The following KIRREL3 variants were observed in gnomAD, a reference collection of about 807,000 sequenced individuals.
The protein encoded by KIRREL3 is kin of IRRE-like protein 3.
In KIRREL3, 36 loss-of-function variants were observed where a neutral mutation model predicts 89.7. The observed-to-expected ratio is 0.40, with a 90% CI of 0.31 to 0.53. KIRREL3 has a LOEUF of 0.53. Ranked by LOEUF, KIRREL3 falls within the 20% of genes least tolerant of loss-of-function variation. The pLI, the probability that KIRREL3 is intolerant of heterozygous loss-of-function variation, is 0.49. For synonymous variants in KIRREL3, 445 were observed against 441.4 expected, an observed-to-expected ratio of 1.01 and a Z score of -0.10; for missense variants, 864 against 1,056.6, an observed-to-expected ratio of 0.82 and a Z score of 2.53.
rs1243541571 is a variant in KIRREL3, at chr11:126,682,853, C to T, written c.56-119941G>A. Among the ~76,000 whole-genome samples the T allele has an allele frequency of 6.6e-6, 1 of 152,100 alleles. No homozygotes were observed. Among genetic ancestry groups the T allele is most frequent in the Non-Finnish European group, 1.5e-5 (1 of 68,022 alleles). On this transcript the variant is annotated intron_variant, in intron 1 of 16. Coordinates refer to ENST00000525144, the MANE Select transcript of KIRREL3 (RefSeq NM_032531.4). The surrounding 1 kb of genome is among the most constrained non-coding windows in gnomAD (Gnocchi z 4.8). ...AGTCTGGTTCCTAACAGGCTGAGGA[C>T]CGGTACCCCGGGGCTGGGGATCCCT...
At chr11:126,770,898 C>T (rs759635524) in intron 1 of KIRREL3, among the ~76,000 whole-genome samples, 17 of 152,130 alleles carry the variant, frequency 1.1e-4, no homozygotes, top group Non-Finnish European at 2.4e-4. Flanking sequence ...TGGAGTGGTG[C>T]GATCTCGGCT....
intron 1 of KIRREL3, among the ~76,000 whole-genome samples, chr11:126,826,058 A>G (rs1279414703): frequency 1.1e-4 from 16 of 151,950 alleles, no homozygotes; most frequent in Non-Finnish European, 2.9e-5. Context: ...GCTCCTAGTC[A>G]CTCATCAGAT....
chr11:126,846,614 A>T (rs1401126765), intron 1 of KIRREL3, among the ~76,000 whole-genome samples: 1 of 152,102 alleles, frequency 6.6e-6, no homozygotes, highest in Non-Finnish European at 1.5e-5. Context: ...CAAAAGTAAA[A>T]ATTGCTAAGA....
At chr11:126,767,431 C>A (rs1272908991) in intron 1 of KIRREL3, among the ~76,000 whole-genome samples, 1 of 152,166 alleles carries the variant, frequency 6.6e-6, no homozygotes, top group Non-Finnish European at 1.5e-5. Context: ...CCCAGGGACT[C>A]CTAAAGCTGG....
intron 1 of KIRREL3, among the ~76,000 whole-genome samples, chr11:126,580,622 G>T (rs1039806822): frequency 6.6e-6 from 1 of 152,126 alleles, no homozygotes; most frequent in Non-Finnish European, 1.5e-5. Context: ...AGCCCCATGT[G>T]CTGTCTGGCA....
chr11:126,785,459 G>A (rs191662910), intron 1 of KIRREL3, among the ~76,000 whole-genome samples: 19 of 152,248 alleles, frequency 1.2e-4, no homozygotes, highest in Non-Finnish European at 2.5e-4. Context: ...CGTTCCAGGG[G>A]AGTGGGAGGG....
At chr11:126,838,279 C>T (rs1189601600) in intron 1 of KIRREL3, among the ~76,000 whole-genome samples, 3 of 152,180 alleles carry the variant, frequency 2.0e-5, no homozygotes, top group African/African-American at 4.8e-5. Flanking sequence ...GTTTTTATCT[C>T]TTAGGTTATT....
At chr11:126,588,794 A>G (rs1449250946) in intron 1 of KIRREL3, among the ~76,000 whole-genome samples, 8 of 152,204 alleles carry the variant, frequency 5.3e-5, no homozygotes, top group Non-Finnish European at 1.2e-4. Flanking sequence ...GTTAGGAGGC[A>G]TGCTCAGGAA....
chr11:126,634,115 T>A (rs1944165405), intron 1 of KIRREL3, among the ~76,000 whole-genome samples: 1 of 152,178 alleles, frequency 6.6e-6, no homozygotes, highest in Non-Finnish European at 1.5e-5. Context: ...CGTTCTCTTT[T>A]TCTGGGGTGA....
chr11:126,941,051 G>T (rs1939993), intron 1 of KIRREL3: 1 of 151,964 alleles, frequency 6.6e-6, no homozygotes, highest in Admixed American at 6.6e-5. Context: ...CAACACATAC[G>T]GGAGAATTGA....
At position 126,842,304 on chromosome 11, in the gene KIRREL3, C is replaced by G. The variant is rs527779276; in HGVS notation, c.55+158151G>C. Among the ~76,000 whole-genome samples the G allele has an allele frequency of 9.6e-4, 146 of 151,874 alleles. 2 individuals are homozygous for G. The highest frequency in any genetic ancestry group is 3.1e-3 in the African/African-American group (128 of 41,538). ...AATCGGCCATGTATGAACTTCTAAG[C>G]AATTTCTATGAGCTCATTTTAGAAT... On this transcript the variant is annotated intron_variant, in intron 1 of 16. Transcript: ENST00000525144.
intron 1 of KIRREL3, among the ~76,000 whole-genome samples, chr11:126,596,592 G>C (rs1486046007): frequency 6.6e-6 from 1 of 152,238 alleles, no homozygotes; most frequent in Non-Finnish European, 1.5e-5. Flanking sequence ...GATGTGGCTA[G>C]GTAATGAAGA....
chr11:126,979,825 G>A (rs545495119), intron 1 of KIRREL3, among the ~76,000 whole-genome samples: 72 of 152,324 alleles, frequency 4.7e-4, no homozygotes, highest in African/African-American at 1.5e-3. Context: ...GAGGGTGCAA[G>A]GGCTGGACCA....
rs570604458 is a variant in KIRREL3, at chr11:126,957,197, C to A, written c.55+43258G>T. On this transcript the variant is annotated intron_variant, in intron 1 of 16. Transcript: ENST00000525144. ...CCAGCCTCTTCTACACATCACAAGG[C>A]TCAAATGCTCATCTTTCTTCTTCCT... Among the ~76,000 whole-genome samples, 41 of 152,318 alleles carry A rather than the reference C, an allele frequency of 2.7e-4. No homozygotes were observed. The South Asian group carries it at 8.3e-3, about 31-fold the overall frequency.
chr11:126,629,110 CAT>C (rs1173132094), intron 1 of KIRREL3, among the ~76,000 whole-genome samples: 1 of 152,206 alleles, frequency 6.6e-6, no homozygotes. Context: ...CAATGATGCA[CAT>C]GTCTTGCTTC....
In KIRREL3 at chr11:126,791,227, G is replaced by T. The variant is rs1362064137; in HGVS notation, c.55+209228C>A. The stretch of plus-strand genomic sequence containing the variant: ...TCTTATTGAGGAAAGAGTACATTTT[G>T]GGGGGCCTGTACAGGGAATTTAGTG... On this transcript the variant is annotated intron_variant, in intron 1 of 16. Transcript: ENST00000525144. The surrounding 1 kb of genome is among the most constrained non-coding windows in gnomAD (Gnocchi z 4.8). Among the ~76,000 whole-genome samples the T allele has an allele frequency of 6.6e-6, 1 of 152,158 alleles. No individual in the cohort carries two copies. The highest frequency in any genetic ancestry group is 1.5e-5 in the Non-Finnish European group (1 of 68,014).
rs76817734 is a variant in KIRREL3, at chr11:126,896,739, C to A, written c.55+103716G>T. 1.7e-3 allele frequency among the ~76,000 whole-genome samples: 263 copies of A among 152,270 alleles called. 5 individuals are homozygous for A. The East Asian group carries it at 0.041, about 24-fold the overall frequency. The stretch of plus-strand genomic sequence containing the variant: ...TCCATGGCCACAGCAAGCTCTCTGG[C>A]AGCCTCTGACCTGTGGAGATTCATT... On this transcript the variant is annotated intron_variant, in intron 1 of 16. Coordinates refer to ENST00000525144, the MANE Select transcript of KIRREL3 (RefSeq NM_032531.4). This position sits in a 1 kb window ranked among gnomAD's most constrained non-coding sequence, Gnocchi z 4.1.
In KIRREL3 at chr11:126,636,563, C is replaced by T. The variant is rs553174237; in HGVS notation, c.56-73651G>A. Among the ~76,000 whole-genome samples, 1 of 152,338 alleles carries T rather than the reference C, an allele frequency of 6.6e-6. No homozygotes were observed. The highest frequency in any genetic ancestry group is 1.9e-4 in the East Asian group (1 of 5,188). On this transcript the variant is annotated intron_variant, in intron 1 of 16. Coordinates refer to ENST00000525144, the MANE Select transcript of KIRREL3 (RefSeq NM_032531.4). This position sits in a 1 kb window ranked among gnomAD's most constrained non-coding sequence, Gnocchi z 4.4. ...TGAGTGTCTGCCCCTCATCCTGCCCCCCAGATCTCACTGCTCTCTGAGTCT... is the reference window on the plus strand; with the variant it reads ...TGAGTGTCTGCCCCTCATCCTGCCCTCCAGATCTCACTGCTCTCTGAGTCT...
rs185672977 is a variant in KIRREL3 at position 126,492,219 on chromosome 11, G to A, written c.434-18753C>T. Among the ~76,000 whole-genome samples the A allele has an allele frequency of 1.5e-4, 23 of 152,290 alleles. No individual in the cohort carries two copies. Among genetic ancestry groups the A allele is most frequent in the African/African-American group, 2.4e-4 (10 of 41,560 alleles). ...GGGGAAGATGGGCTCAGGCTGCAGC[G>A]TGAGGGAGTGAGGTTAGACATCTGG... On this transcript the variant is annotated intron_variant, in intron 4 of 16. Coordinates refer to ENST00000525144, the MANE Select transcript of KIRREL3 (RefSeq NM_032531.4). The surrounding 1 kb of genome is among the most constrained non-coding windows in gnomAD (Gnocchi z 4.8).
Sources: gnomAD v4.1 joint callset for allele counts (sites outside exome capture counted in the v4.1 genomes callset) on GRCh38, gnomAD v4.1.1 for gene constraint, Gnocchi (gnomAD v3.1) non-coding constraint, MANE v1.5 for transcripts, NCBI Gene and HGNC (gene_info 2026-07-23, HGNC 2026-07-21) for gene names.